AURKA: variants seen among roughly 807,000 people sequenced by gnomAD.
AURKA encodes the protein aurora 2.
AURKA carries 12 observed loss-of-function variants against 40.9 expected under a neutral mutation model. The observed-to-expected ratio is 0.29, with a 90% CI of 0.19 to 0.48. The LOEUF (loss-of-function observed/expected upper bound fraction) is 0.48. AURKA is among the 20% of genes least tolerant of loss of function. The pLI, the probability that AURKA is intolerant of heterozygous loss-of-function variation, is 0.99. For synonymous variants in AURKA, 170 were observed against 164.3 expected, an observed-to-expected ratio of 1.03 and a Z score of -0.26; for missense variants, 322 against 462.1, an observed-to-expected ratio of 0.70 and a Z score of 2.78.
chr20:56,370,165 T>C lies in AURKA; in HGVS notation c.1205A>G (p.Gln402Arg). The change falls in exon 9 of 9, where the codon CAG becomes CGG. Residue 402 changes from glutamine to arginine, a missense_variant. By Grantham distance (43) the Gln-to-Arg change is conservative (BLOSUM62 1). Transcript: ENST00000395915. The part of the protein sequence containing the change: ...NCQNKESASK[Q>R]S ...TCTCCCCCTGCACGATTCCTAAGACTGTTTGCTAGCTGATTCTTTGTTTTG... is the reference window on the plus strand; with the variant it reads ...TCTCCCCCTGCACGATTCCTAAGACCGTTTGCTAGCTGATTCTTTGTTTTG... 6.2e-7 allele frequency: 1 copy of C among 1,612,618 alleles called. No individual in the cohort carries two copies. The highest frequency in any genetic ancestry group is 1.1e-5 in the South Asian group (1 of 91,012).
chr20:56,386,582 A>G (rs1171063257), intron 2 of AURKA, 49 bp from the exon 3 acceptor site: 5 of 1,604,592 alleles, frequency 3.1e-6, no homozygotes, highest in Non-Finnish European at 4.3e-6. Context: ...AAAGCAAAAG[A>G]TGAATATATT....
Position 56,370,479 on chromosome 20 carries a change from T to A in AURKA, c.1029+6A>T. Reference sequence around the variant, plus strand: ...ATGTGCTGGGTCCTTTTCAGTTGCGTCTTACCCGTGATATTCTTTTGTAGG... The same window carrying A: ...ATGTGCTGGGTCCTTTTCAGTTGCGACTTACCCGTGATATTCTTTTGTAGG... On this transcript the variant is annotated splice_donor_region_variant and intron_variant, in intron 8 of 8. Coordinates refer to ENST00000395915, the MANE Select transcript of AURKA (RefSeq NM_198437.3). 6.2e-7 allele frequency: 1 copy of A among 1,614,218 alleles called. No homozygotes were observed. Among genetic ancestry groups the A allele is most frequent in the Non-Finnish European group, 8.5e-7 (1 of 1,180,040 alleles).
At chr20:56,386,222 A>G (rs1986339103) in intron 3 of AURKA, 35 bp downstream of exon 3, 1 of 1,613,722 alleles carries the variant, frequency 6.2e-7, no homozygotes. Context: ...GACGACAAAG[A>G]AGGACTATCC....
intron 6 of AURKA, among the ~76,000 whole-genome samples, chr20:56,376,401 C>T (rs1376860285): frequency 6.6e-6 from 1 of 152,150 alleles, no homozygotes; most frequent in Non-Finnish European, 1.5e-5. Flanking sequence ...TCTATTTCTA[C>T]TTAGGAGAAG....
intron 5 of AURKA, 123 bp from the exon 6 acceptor site, chr20:56,381,694 C>A: frequency 8.3e-7 from 1 of 1,207,964 alleles, no homozygotes; most frequent in East Asian, 2.5e-5. Context: ...ACTCCAAACC[C>A]CACTTTAGAA....
intron 4 of AURKA, 67 bp from the exon 5 acceptor site, chr20:56,383,243 T>TCTGCTACTCATTGAA: frequency 6.7e-7 from 1 of 1,498,726 alleles, no homozygotes; most frequent in Non-Finnish European, 9.3e-7. Context: ...TTTCAATGAG[T>TCTGCTACTCATTGAA]AGCAGACACA....
At chr20:56,380,008 A>C (rs1381556622) in intron 6 of AURKA, among the ~76,000 whole-genome samples, 2 of 151,436 alleles carry the variant, frequency 1.3e-5, no homozygotes, top group Non-Finnish European at 2.9e-5. Context: ...AAACCAAAAA[A>C]AAACCACACA....
intron 1 of AURKA, among the ~76,000 whole-genome samples, chr20:56,391,425 C>G (rs969608058): frequency 8.5e-5 from 13 of 152,168 alleles, no homozygotes; most frequent in Admixed American, 3.9e-4. Context: ...CGTCCCCAGA[C>G]GATTTGTATG....
At position 56,373,257 on chromosome 20, in the gene AURKA, T is replaced by C; in HGVS notation, c.854+151A>G. 9.8e-7 allele frequency: 1 copy of C among 1,024,360 alleles called. No homozygotes were observed. The highest frequency in any genetic ancestry group is 1.5e-6 in the Non-Finnish European group (1 of 669,086). 63.5% of individuals were successfully genotyped at this position (1,024,360 alleles called of 1,614,324 possible). A position where few individuals can be genotyped will look rare whatever the true frequency, so the allele number is the denominator to read the frequency against. ...CACTTTCTTGCAAACCCTAGTTTAT[T>C]ATTAAGCCTAAATTACTCCAAAGTA... On this transcript the variant is annotated intron_variant, in intron 7 of 8. Transcript: ENST00000395915. This position sits in a 1 kb window ranked among gnomAD's most constrained non-coding sequence, Gnocchi z 5.0.
intron 6 of AURKA, 56 bp downstream of exon 6, chr20:56,381,377 A>G (rs1005777207): frequency 5.6e-5 from 90 of 1,601,690 alleles, no homozygotes; most frequent in Non-Finnish European, 7.3e-5. Context: ...GTACATTGCT[A>G]TGGAGGACAG....
In AURKA at chr20:56,384,330, T is replaced by C. The variant is rs142801740; in HGVS notation, c.320-6A>G. ...TTCCTCCTCAGGATTATTTTCTATA[T>C]GGAATAAGTTAAAAACCTGTTTTTA... On this transcript the variant is annotated splice_region_variant and splice_polypyrimidine_tract_variant and intron_variant, in intron 3 of 8. Transcript: ENST00000395915. The C allele has an allele frequency of 3.4e-4, 534 of 1,587,602 alleles. 8 individuals carry two copies. The East Asian group carries it at 0.012, about 35-fold the overall frequency.
chr20:56,370,751 G>T, intron 7 of AURKA, 92 bp from the exon 8 acceptor site: 1 of 1,400,842 alleles, frequency 7.1e-7, no homozygotes. Context: ...TAACACTGAG[G>T]TCTTCCCCTG....
chr20:56,373,683 G>T lies in AURKA; in HGVS notation c.706-127C>A. ...TTGCAGGTTTTGGCCAGGCACAGTG[G>T]CTCACACCTATAATCCCAACACTTT... On this transcript the variant is annotated intron_variant, in intron 6 of 8. Coordinates refer to ENST00000395915, the MANE Select transcript of AURKA (RefSeq NM_198437.3). This position sits in a 1 kb window ranked among gnomAD's most constrained non-coding sequence, Gnocchi z 5.0. 2 of 1,075,652 alleles carry T rather than the reference G, an allele frequency of 1.9e-6. No homozygotes were observed. Among genetic ancestry groups the T allele is most frequent in the Non-Finnish European group, 1.4e-6 (1 of 731,150 alleles). The allele number at this position is 1,075,652 out of a possible 1,614,324, so 66.6% of individuals were successfully genotyped here. A position where few individuals can be genotyped will look rare whatever the true frequency, so the allele number is the denominator to read the frequency against.
intron 1 of AURKA, among the ~76,000 whole-genome samples, chr20:56,389,870 A>C (rs572416429): frequency 5.3e-5 from 8 of 152,300 alleles, no homozygotes; most frequent in Admixed American, 5.2e-4. Flanking sequence ...CTCTGCCTTC[A>C]AGATCACTGC....
chr20:56,382,805 CA>C (rs1467945261), intron 5 of AURKA, among the ~76,000 whole-genome samples, 179 bp downstream of exon 5: 1 of 151,510 alleles, frequency 6.6e-6, no homozygotes, highest in African/African-American at 2.4e-5. Context: ...CAGTGCAGTA[CA>C]GAAGCTTATC....
At chr20:56,387,556 T>G (rs888187253) in intron 2 of AURKA, among the ~76,000 whole-genome samples, 2 of 152,220 alleles carry the variant, frequency 1.3e-5, no homozygotes, top group Admixed American at 1.3e-4. Context: ...GTAGGAGGGA[T>G]GAGATTTCCT....
At chr20:56,387,419 T>C (rs1986506848) in intron 2 of AURKA, among the ~76,000 whole-genome samples, 1 of 152,238 alleles carries the variant, frequency 6.6e-6, no homozygotes, top group Non-Finnish European at 1.5e-5. Flanking sequence ...CCCAAAGTGC[T>C]GGGATTACAG....
intron 6 of AURKA, among the ~76,000 whole-genome samples, chr20:56,377,072 G>C (rs1985023562): frequency 6.6e-6 from 1 of 151,822 alleles, no homozygotes; most frequent in South Asian, 2.1e-4. Flanking sequence ...GGGTGACAAA[G>C]CAAGAATGCC....
intron 3 of AURKA, among the ~76,000 whole-genome samples, chr20:56,384,841 G>C (rs1986158977): frequency 6.6e-6 from 1 of 152,172 alleles, no homozygotes; most frequent in Non-Finnish European, 1.5e-5. Flanking sequence ...AATGCACAAT[G>C]AACAGTTGTG....
Sources: gnomAD v4.1 joint callset for allele counts (sites outside exome capture counted in the v4.1 genomes callset) on GRCh38, gnomAD v4.1.1 for gene constraint, Gnocchi (gnomAD v3.1) non-coding constraint, MANE v1.5 for transcripts, NCBI Gene and HGNC (gene_info 2026-07-23, HGNC 2026-07-21) for gene names.